TMCC2: variants seen among roughly 807,000 people sequenced by gnomAD.
TMCC2 encodes the protein transmembrane and coiled-coil domain family 2.
A neutral mutation model predicts 49.4 loss-of-function variants in TMCC2; 16 were observed. That is an observed-to-expected ratio of 0.32 (90% confidence interval 0.22 to 0.49). TMCC2 has a LOEUF of 0.49. Among genes scored for constraint, TMCC2 ranks in the 20% least tolerant of loss-of-function variants. TMCC2 has a pLI of 0.99. For synonymous variants in TMCC2, 397 were observed against 434.1 expected, an observed-to-expected ratio of 0.91 and a Z score of 1.06; for missense variants, 762 against 989.8, an observed-to-expected ratio of 0.77 and a Z score of 3.09.
chr1:205,241,337 A>G lies in TMCC2; in HGVS notation c.208-168A>G, dbSNP rs1264103938. On this transcript the variant is annotated intron_variant, in intron 1 of 4. Transcript: ENST00000358024. This position sits in a 1 kb window ranked among gnomAD's most constrained non-coding sequence, Gnocchi z 7.3. ...TGGGTCTGGGTTGCCACCTTTTCGC[A>G]AACTGACCCTTTATGCACGACGGGC... 1.3e-5 allele frequency among the ~76,000 whole-genome samples: 2 copies of G among 152,124 alleles called. No homozygotes were observed. Among genetic ancestry groups the G allele is most frequent in the African/African-American group, 4.8e-5 (2 of 41,420 alleles).
At chr1:205,268,765 G>A (rs1661450123) in intron 2 of TMCC2, 185 bp from the exon 3 acceptor site, 6 of 621,288 alleles carry the variant, frequency 9.7e-6, no homozygotes, top group Non-Finnish European at 1.7e-5. Context: ...TGTGGGGACG[G>A]GGTAGAGAGC....
At chr1:205,234,618 A>T (rs1341505477) in intron 1 of TMCC2, among the ~76,000 whole-genome samples, 2 of 152,132 alleles carry the variant, frequency 1.3e-5, no homozygotes, top group Non-Finnish European at 2.9e-5. Context: ...TCAGAAACTT[A>T]TGGGGGTTAA....
chr1:205,228,600 A>G lies in TMCC2; in HGVS notation c.36A>G (p.Gln12=). ...KRCRSDELQQ[Q]QGEEDGAGLE... is the part of the protein sequence containing the mutation. ...GCAGATCGGACGAGCTGCAGCAACA[A>G]CAGGGCGAGGAGGATGGAGCTGGGC... The change falls in exon 1 of 5, where the codon CAA becomes CAG. Residue 12 remains glutamine, a synonymous_variant. Transcript: ENST00000358024. The G allele has an allele frequency of 6.2e-7, 1 of 1,612,348 alleles. No homozygotes were observed. Among genetic ancestry groups the G allele is most frequent in the Non-Finnish European group, 8.5e-7 (1 of 1,179,010 alleles).
At chr1:205,242,572 A>G (rs1236445714) in intron 2 of TMCC2, among the ~76,000 whole-genome samples, 1 of 152,242 alleles carries the variant, frequency 6.6e-6, no homozygotes, top group Non-Finnish European at 1.5e-5. Flanking sequence ...TGGGAAGGAG[A>G]AAAGCTAGTT....
chr1:205,240,214 C>T (rs1048684505), intron 1 of TMCC2, among the ~76,000 whole-genome samples: 2 of 152,238 alleles, frequency 1.3e-5, no homozygotes, highest in African/African-American at 4.8e-5. Context: ...TCAACCTGGC[C>T]GGATAAGCCG....
intron 1 of TMCC2, among the ~76,000 whole-genome samples, chr1:205,234,422 G>A (rs1659947989): frequency 6.6e-6 from 1 of 152,002 alleles, no homozygotes; most frequent in South Asian, 2.1e-4. Flanking sequence ...CTCCAGCCTG[G>A]GCGACAGAGC....
chr1:205,256,379 G>A (rs1357695450), intron 2 of TMCC2: 11 of 1,550,934 alleles, frequency 7.1e-6, no homozygotes, highest in South Asian at 1.2e-5. Context: ...TTTCCTGCTG[G>A]CACTGTCAAG....
intron 2 of TMCC2, 132 bp from the exon 3 acceptor site, chr1:205,268,818 C>T (rs1271902397): frequency 2.4e-6 from 2 of 841,412 alleles, no homozygotes; most frequent in South Asian, 3.4e-5. Flanking sequence ...GGATACTGCT[C>T]TTGTGGTGGT....
chr1:205,228,783 C>A lies in TMCC2; in HGVS notation c.207+12C>A. On this transcript the variant is annotated intron_variant, in intron 1 of 4. Coordinates refer to ENST00000358024, the MANE Select transcript of TMCC2 (RefSeq NM_014858.4). The stretch of plus-strand genomic sequence containing the variant: ...CTCCTGATTTAAAGGTGAGCGCAGA[C>A]CATCCCCCCGGCAAGCCCAGCCCGC... 1 of 1,583,482 alleles carries A rather than the reference C, an allele frequency of 6.3e-7. No individual in the cohort carries two copies. Among genetic ancestry groups the A allele is most frequent in the Non-Finnish European group, 8.6e-7 (1 of 1,165,336 alleles).
chr1:205,269,993 C>T (rs1768585), intron 3 of TMCC2, 109 bp downstream of exon 3: 3 of 1,079,298 alleles, frequency 2.8e-6, no homozygotes, highest in East Asian at 2.5e-5. Flanking sequence ...CATCCTCAGC[C>T]TCCTGGCTGC....
chr1:205,243,212 C>T (rs1360219758), intron 2 of TMCC2, among the ~76,000 whole-genome samples: 14 of 152,082 alleles, frequency 9.2e-5, no homozygotes, highest in African/African-American at 1.4e-4. Context: ...GGTGAAACCC[C>T]GTCCCTACTA....
intron 4 of TMCC2, among the ~76,000 whole-genome samples, 198 bp from the exon 5 acceptor site, chr1:205,271,615 T>C (rs1182493820): frequency 6.6e-6 from 1 of 152,132 alleles, no homozygotes; most frequent in Admixed American, 6.5e-5. Context: ...TAATCAAGAC[T>C]CTCATTTCCT....
In TMCC2 at chr1:205,271,910, C is replaced by G; in HGVS notation, c.1916C>G (p.Ala639Gly). ...CTGGAGGGCGTGGAGAATGCCAACG[C>G]GCGGGCGCTGCTGGGCAAGTTCATC... ...VQLEGVENAN[A>G]RALLGKFINV... The change falls in exon 5 of 5, where the codon GCG becomes GGG. Residue 639 changes from alanine (A) to glycine (G), a missense_variant. Transcript: ENST00000358024. 1 of 1,614,174 alleles carries G rather than the reference C, an allele frequency of 6.2e-7. No homozygotes were observed. The highest frequency in any genetic ancestry group is 8.5e-7 in the Non-Finnish European group (1 of 1,180,018).
At chr1:205,244,429 A>T (rs1287486687) in intron 2 of TMCC2, among the ~76,000 whole-genome samples, 1 of 152,098 alleles carries the variant, frequency 6.6e-6, no homozygotes, top group African/African-American at 2.4e-5. Flanking sequence ...TTTATTTTCT[A>T]TGGGGGAAGA....
chr1:205,241,013 T>C lies in TMCC2; in HGVS notation c.208-492T>C, dbSNP rs1363673700. Among the ~76,000 whole-genome samples, 1 of 152,180 alleles carries C rather than the reference T, an allele frequency of 6.6e-6. No individual in the cohort carries two copies. The highest frequency in any genetic ancestry group is 1.9e-4 in the East Asian group (1 of 5,196). ...GTCTGCTACAACAGTATAACTTGAT[T>C]GTATGACCCTGATTTTACTGGGGGA... is the stretch of plus-strand genomic sequence containing the variant. On this transcript the variant is annotated intron_variant, in intron 1 of 4. Coordinates refer to ENST00000358024, the MANE Select transcript of TMCC2 (RefSeq NM_014858.4). This position sits in a 1 kb window ranked among gnomAD's most constrained non-coding sequence, Gnocchi z 7.3.
intron 2 of TMCC2, chr1:205,246,687 C>T: frequency 6.5e-7 from 1 of 1,550,190 alleles, no homozygotes; most frequent in African/African-American, 1.4e-5. Context: ...GCCCACCTCT[C>T]ATGGGTGAGT....
chr1:205,233,587 A>G (rs1454483933), intron 1 of TMCC2, among the ~76,000 whole-genome samples: 14 of 152,164 alleles, frequency 9.2e-5, no homozygotes, highest in Non-Finnish European at 7.3e-5. Context: ...CAGAGAGCCC[A>G]CTAGAGAAGG....
chr1:205,231,762 A>AC (rs79755577), intron 1 of TMCC2, among the ~76,000 whole-genome samples: 28,153 of 152,072 alleles, frequency 0.19, 3,201 homozygotes, highest in East Asian at 0.44. Flanking sequence ...ATGCTCCCCT[A>AC]CCTCATACCT....
At chr1:205,271,011 C>G in intron 3 of TMCC2, 109 bp from the exon 4 acceptor site, 2 of 1,458,692 alleles carry the variant, frequency 1.4e-6, no homozygotes, top group Non-Finnish European at 1.9e-6. Context: ...GAGCTGGACA[C>G]GGGGGATGGG....
Sources: allele counts gnomAD v4.1 joint callset (sites outside exome capture counted in the v4.1 genomes callset), GRCh38; gene constraint gnomAD v4.1.1; non-coding constraint Gnocchi (gnomAD v3.1); transcripts MANE v1.5; gene names NCBI Gene and HGNC (gene_info 2026-07-23, HGNC 2026-07-21).